HS6ST2: variants seen among roughly 807,000 people sequenced by gnomAD.
HS6ST2 encodes the protein heparan-sulfate 6-O-sulfotransferase 2.
In HS6ST2, 17 loss-of-function variants were observed where a neutral mutation model predicts 33.0. The ratio of observed to expected loss-of-function variants is 0.52; its 90% CI spans 0.35 to 0.77. The LOEUF (loss-of-function observed/expected upper bound fraction) is 0.77. HS6ST2 is among the 30% of genes least tolerant of loss of function. HS6ST2 has a pLI of 0.01. For missense variants in HS6ST2, 519 were observed against 551.7 expected (o/e 0.94, Z 0.59); for synonymous variants, 248 against 237.1 (o/e 1.05, Z -0.42).
chrX:132,845,496 A>G (rs775344086), intron 2 of HS6ST2, among the ~76,000 whole-genome samples: 5 of 111,608 alleles, frequency 4.5e-5, no homozygotes, highest in Admixed American at 1.9e-4. Flanking sequence ...AAAGGTCTCC[A>G]CATTTATTAC....
chrX:132,930,047 G>A (rs1304495202), intron 2 of HS6ST2, among the ~76,000 whole-genome samples: 4 of 111,828 alleles, frequency 3.6e-5, no homozygotes, highest in African/African-American at 1.3e-4. Context: ...CTTTCCCAGA[G>A]GCATCAAGGT....
intron 2 of HS6ST2, among the ~76,000 whole-genome samples, chrX:132,866,344 G>C (rs1230959008): frequency 9.7e-6 from 1 of 103,517 alleles, no homozygotes; most frequent in South Asian, 4.6e-4. Context: ...CTATATCTCT[G>C]TTTTGGTACC....
chrX:132,667,902 A>G (rs1382599419), intron 4 of HS6ST2, among the ~76,000 whole-genome samples: 1 of 112,730 alleles, frequency 8.9e-6, no homozygotes, highest in Non-Finnish European at 1.9e-5. Context: ...TTCATAATTT[A>G]TACAGCATTT....
intron 2 of HS6ST2, among the ~76,000 whole-genome samples, chrX:132,797,563 C>T (rs1358499676): frequency 8.9e-6 from 1 of 112,169 alleles, no homozygotes; most frequent in African/African-American, 3.2e-5. Flanking sequence ...TTCCTTCTCT[C>T]TAGTGATGGC....
intron 2 of HS6ST2, among the ~76,000 whole-genome samples, chrX:132,710,353 T>C (rs751153337): frequency 8.9e-6 from 1 of 112,327 alleles, no homozygotes; most frequent in East Asian, 2.8e-4. Flanking sequence ...GGGAAGGTTG[T>C]TTAATGAAAT....
chrX:132,835,202 G>A (rs184260982), intron 2 of HS6ST2, among the ~76,000 whole-genome samples: 3 of 111,664 alleles, frequency 2.7e-5, no homozygotes, highest in Admixed American at 9.5e-5. Flanking sequence ...CCTGGGATGC[G>A]CTGACACTTT....
chrX:132,863,749 A>G (rs990917873), intron 2 of HS6ST2, among the ~76,000 whole-genome samples: 20 of 111,356 alleles, frequency 1.8e-4, no homozygotes, highest in African/African-American at 4.9e-4. Flanking sequence ...TACCCAAGAG[A>G]CTCTATTTAA....
chrX:132,888,803 C>A (rs34694310), intron 2 of HS6ST2, among the ~76,000 whole-genome samples: 36,318 of 109,974 alleles, frequency 0.33, 4,712 homozygotes, highest in African/African-American at 0.43. Flanking sequence ...CGTGTCCTGC[C>A]ACAATTGGTA....
At chrX:132,765,035 A>C (rs1169012922) in intron 2 of HS6ST2, among the ~76,000 whole-genome samples, 1 of 112,147 alleles carries the variant, frequency 8.9e-6, no homozygotes, top group Non-Finnish European at 1.9e-5. Context: ...GAATATAGCA[A>C]GTGTGGTTTT....
intron 3 of HS6ST2, among the ~76,000 whole-genome samples, chrX:132,672,291 G>T (rs2148209023): frequency 1.0e-5 from 1 of 96,728 alleles, no homozygotes; most frequent in African/African-American, 3.8e-5. Flanking sequence ...TATAATTTTG[G>T]ATATATGAGA....
At chrX:132,661,857 C>A (rs1431609439) in intron 4 of HS6ST2, among the ~76,000 whole-genome samples, 1 of 110,973 alleles carries the variant, frequency 9.0e-6, no homozygotes. Context: ...TAGTGAGACC[C>A]CATCTCTACA....
intron 4 of HS6ST2, among the ~76,000 whole-genome samples, chrX:132,644,799 C>T (rs2063628603): frequency 9.0e-6 from 1 of 110,794 alleles, no homozygotes. Context: ...AGGGCATTGT[C>T]CCCTAAACTA....
intron 2 of HS6ST2, among the ~76,000 whole-genome samples, chrX:132,928,402 C>T (rs1454947620): frequency 1.8e-5 from 2 of 110,896 alleles, no homozygotes; most frequent in South Asian, 3.9e-4. Flanking sequence ...CCACTTCGCC[C>T]AGCTGCCACA....
intron 2 of HS6ST2, among the ~76,000 whole-genome samples, chrX:132,807,068 A>G (rs1368284162): frequency 9.1e-6 from 1 of 110,033 alleles, no homozygotes; most frequent in East Asian, 2.8e-4. Flanking sequence ...GTGCAAAAGT[A>G]TTTGCGGTTA....
intron 2 of HS6ST2, among the ~76,000 whole-genome samples, chrX:132,839,665 CA>C (rs970958724): frequency 2.7e-5 from 3 of 110,166 alleles, no homozygotes; most frequent in Non-Finnish European, 3.8e-5. Context: ...ATCCATGTAA[CA>C]AAACTGCACT....
intron 2 of HS6ST2, among the ~76,000 whole-genome samples, chrX:132,741,249 C>A (rs192527666): frequency 1.8e-5 from 2 of 111,120 alleles, no homozygotes; most frequent in Admixed American, 1.9e-4. Context: ...CTTGTTCTAG[C>A]CCTAAAGGCA....
At chrX:132,915,444 A>G (rs2066576156) in intron 2 of HS6ST2, among the ~76,000 whole-genome samples, 1 of 112,091 alleles carries the variant, frequency 8.9e-6, no homozygotes, top group African/African-American at 3.2e-5. Flanking sequence ...GTTTTGCTTT[A>G]ATGTGTAACA....
chrX:132,701,292 CCT>C (rs762814383), intron 3 of HS6ST2, among the ~76,000 whole-genome samples: 1 of 112,101 alleles, frequency 8.9e-6, no homozygotes, highest in Non-Finnish European at 1.9e-5. Flanking sequence ...ATACCCCACT[CCT>C]TTTCTATGTC....
intron 3 of HS6ST2, among the ~76,000 whole-genome samples, chrX:132,699,616 C>G (rs1461231824): frequency 8.9e-6 from 1 of 112,014 alleles, no homozygotes; most frequent in African/African-American, 3.2e-5. Flanking sequence ...TGTATTTCAT[C>G]TCTTATGAAT....
Sources: gnomAD v4.1 joint callset for allele counts (sites outside exome capture counted in the v4.1 genomes callset) on GRCh38, gnomAD v4.1.1 for gene constraint, MANE v1.5 for transcripts, NCBI Gene and HGNC (gene_info 2026-07-23, HGNC 2026-07-21) for gene names.